SOX6: variants seen among roughly 807,000 people sequenced by gnomAD.
SOX6 encodes SRY-box transcription factor 6, also known as transcription factor SOX-6.
SOX6 carries 11 observed loss-of-function variants against 97.8 expected under a neutral mutation model. The observed-to-expected ratio is 0.11, with a 90% CI of 0.07 to 0.19. The LOEUF is 0.19. SOX6 is among the 10% of genes least tolerant of loss of function. The probability of loss-of-function intolerance (pLI) is 1.00; values close to 1 mark genes in which losing one functional copy is unlikely to be tolerated. For missense variants in SOX6, 810 were observed against 1,039.5 expected (o/e 0.78, Z 3.04); for synonymous variants, 360 against 371.4 (o/e 0.97, Z 0.35).
intron 4 of SOX6, among the ~76,000 whole-genome samples, chr11:16,556,837 C>A (rs955154845): frequency 6.6e-6 from 1 of 151,760 alleles, no homozygotes; most frequent in African/African-American, 2.4e-5. Flanking sequence ...AGACCAATAA[C>A]GTAACGATTT....
intron 4 of SOX6, among the ~76,000 whole-genome samples, chr11:16,195,690 C>T (rs1851753266): frequency 6.6e-6 from 1 of 152,214 alleles, no homozygotes; most frequent in African/African-American, 2.4e-5. Flanking sequence ...CAACCCTTCT[C>T]TTCCCAAATA....
At chr11:16,366,351 A>C (rs867669104) in intron 1 of SOX6, among the ~76,000 whole-genome samples, 32 of 152,290 alleles carry the variant, frequency 2.1e-4, no homozygotes, top group Middle Eastern at 6.8e-3. Context: ...AATTATCTAC[A>C]TGCAACTGAA....
intron 4 of SOX6, among the ~76,000 whole-genome samples, chr11:16,527,728 G>C (rs1479032448): frequency 6.6e-6 from 1 of 152,104 alleles, no homozygotes; most frequent in Non-Finnish European, 1.5e-5. Context: ...GCATGTCCCA[G>C]ATAGGAGCTG....
chr11:16,263,269 G>T (rs1853958867), intron 3 of SOX6, among the ~76,000 whole-genome samples: 2 of 151,806 alleles, frequency 1.3e-5, no homozygotes, highest in Admixed American at 1.3e-4. Context: ...GTTTCCCAAA[G>T]AACCCTAGAG....
At chr11:16,173,718 A>G (rs1341717110) in intron 6 of SOX6, among the ~76,000 whole-genome samples, 1 of 151,326 alleles carries the variant, frequency 6.6e-6, no homozygotes, top group Non-Finnish European at 1.5e-5. Flanking sequence ...AAACTAAAAA[A>G]CTAGAGCAAG....
chr11:16,021,333 G>A (rs1311855188), intron 12 of SOX6, among the ~76,000 whole-genome samples: 4 of 152,112 alleles, frequency 2.6e-5, no homozygotes, highest in Admixed American at 6.6e-5. Context: ...TGTTCTAGAC[G>A]TATCTTGCCA....
intron 15 of SOX6, 22 bp from the exon 16 acceptor site, chr11:15,973,134 A>T (rs750318451): frequency 1.2e-6 from 2 of 1,612,738 alleles, no homozygotes; most frequent in East Asian, 4.5e-5. Context: ...CAAGAAACAA[A>T]ATCAGACAAG....
At chr11:16,119,382 T>C in intron 6 of SOX6, among the ~76,000 whole-genome samples, 1 of 152,222 alleles carries the variant, frequency 6.6e-6, no homozygotes, top group Admixed American at 6.5e-5. Context: ...ATTTTAATAC[T>C]CTGCTTCGCC....
At chr11:16,545,515 G>T (rs753826254) in intron 4 of SOX6, among the ~76,000 whole-genome samples, 1 of 152,150 alleles carries the variant, frequency 6.6e-6, no homozygotes, top group Non-Finnish European at 1.5e-5. Flanking sequence ...TCTGAATGGG[G>T]GAAAGCTGAA....
intron 1 of SOX6, among the ~76,000 whole-genome samples, chr11:16,466,628 A>G (rs1860037206): frequency 6.7e-6 from 1 of 150,232 alleles, no homozygotes; most frequent in Non-Finnish European, 1.5e-5. Context: ...AATTACAAGA[A>G]AAAAAAAAAC....
chr11:16,278,763 C>A (rs1854472497), intron 3 of SOX6, among the ~76,000 whole-genome samples: 1 of 151,922 alleles, frequency 6.6e-6, no homozygotes, highest in Admixed American at 6.6e-5. Flanking sequence ...GACTCAAATC[C>A]TAAATGACAG....
chr11:16,096,775 T>C (rs1399736379), intron 8 of SOX6, among the ~76,000 whole-genome samples: 2 of 151,924 alleles, frequency 1.3e-5, no homozygotes, highest in African/African-American at 4.8e-5. Flanking sequence ...ATAAAAACTA[T>C]CTTTAATAAA....
At chr11:16,195,860 G>C (rs537886022) in intron 4 of SOX6, among the ~76,000 whole-genome samples, 46 of 152,192 alleles carry the variant, frequency 3.0e-4, no homozygotes, top group Non-Finnish European at 5.0e-4. Flanking sequence ...CCAGTGTCCT[G>C]CTGCCCCGGG....
chr11:16,321,275 A>C (rs1211367199), intron 2 of SOX6, among the ~76,000 whole-genome samples: 3 of 152,046 alleles, frequency 2.0e-5, no homozygotes, highest in Admixed American at 6.6e-5. Context: ...AAAAAAAAAA[A>C]AAAACCCTGA....
intron 1 of SOX6, among the ~76,000 whole-genome samples, chr11:16,445,748 C>T (rs1299247924): frequency 6.6e-6 from 1 of 152,028 alleles, no homozygotes; most frequent in Non-Finnish European, 1.5e-5. Flanking sequence ...TTTCAATTCT[C>T]CTCTGGGGTA....
intron 2 of SOX6, among the ~76,000 whole-genome samples, chr11:16,320,855 G>A (rs1036014572): frequency 2.6e-5 from 4 of 152,074 alleles, no homozygotes; most frequent in Non-Finnish European, 5.9e-5. Flanking sequence ...ACAATGCCCA[G>A]AATAGAGCAG....
At chr11:16,591,235 C>T (rs1848146575) in intron 4 of SOX6, among the ~76,000 whole-genome samples, 1 of 151,892 alleles carries the variant, frequency 6.6e-6, no homozygotes, top group African/African-American at 2.4e-5. Context: ...AACTAATGTA[C>T]CAAATGTGCT....
At chr11:16,446,030 G>A (rs1859603449) in intron 1 of SOX6, among the ~76,000 whole-genome samples, 1 of 152,038 alleles carries the variant, frequency 6.6e-6, no homozygotes, top group African/African-American at 2.4e-5. Flanking sequence ...ATGGGAGAAA[G>A]ACAGAGATGC....
In SOX6 at chr11:16,134,604, G is replaced by A. The variant is rs572047476; in HGVS notation, c.778-22681C>T. Among the ~76,000 whole-genome samples, 12 of 152,246 alleles carry A rather than the reference G, an allele frequency of 7.9e-5. No individual in the cohort carries two copies. The South Asian group carries it at 1.2e-3, about 16-fold the overall frequency. On this transcript the variant is annotated intron_variant, in intron 6 of 15. Transcript: ENST00000683767. The stretch of plus-strand genomic sequence containing the variant: ...TTTGTGTTACCTTTTGGTAATTCTC[G>A]CAATATTTCCAATTCTTTCTTATTA...
Sources: allele counts gnomAD v4.1 joint callset (sites outside exome capture counted in the v4.1 genomes callset), GRCh38; gene constraint gnomAD v4.1.1; transcripts MANE v1.5; gene names NCBI Gene and HGNC (gene_info 2026-07-23, HGNC 2026-07-21).